The following EMC1 variants were observed in gnomAD, a reference collection of about 807,000 sequenced individuals.
EMC1 encodes the protein KIAA0090.
In EMC1, 103 loss-of-function variants were observed where a neutral mutation model predicts 128.8. The observed-to-expected ratio is 0.80, with a 90% CI of 0.68 to 0.94. The LOEUF is 0.94. EMC1 is among the 40% of genes least tolerant of loss of function. EMC1 has a pLI of 0.00. For synonymous variants in EMC1, 442 were observed against 490.4 expected, an observed-to-expected ratio of 0.90 and a Z score of 1.30; for missense variants, 1,083 against 1,250.6, an observed-to-expected ratio of 0.87 and a Z score of 2.02.
chr1:19,221,693 C>G (rs1375983204), intron 20 of EMC1: 2 of 151,510 alleles, frequency 1.3e-5, no homozygotes, highest in Non-Finnish European at 2.9e-5. Context: ...CTGAGAGTCC[C>G]AAACATCTTC....
rs1225822842 is a variant in EMC1, at chr1:19,219,207, A to C, written c.*96T>G. 1 of 1,245,300 alleles carries C rather than the reference A, an allele frequency of 8.0e-7. No individual in the cohort carries two copies. The highest frequency in any genetic ancestry group is 1.5e-5 in the African/African-American group (1 of 67,838). The allele number at this position is 1,245,300 out of a possible 1,614,324, so 77.1% of individuals were successfully genotyped here. A position where few individuals can be genotyped will look rare whatever the true frequency, so the allele number is the denominator to read the frequency against. On this transcript the variant is annotated 3_prime_UTR_variant, in exon 23 of 23. Transcript: ENST00000477853. Reference sequence around the variant, plus strand: ...ACAGTTCTTAGCTGAGCACTGACACACACACATACTCCACCAATCCACCAA... The same window carrying C: ...ACAGTTCTTAGCTGAGCACTGACACCCACACATACTCCACCAATCCACCAA...
intron 17 of EMC1, 145 bp downstream of exon 17, chr1:19,230,698 CA>C: frequency 1.8e-6 from 2 of 1,134,746 alleles, no homozygotes; most frequent in Non-Finnish European, 2.5e-6. Flanking sequence ...CAAATATGAA[CA>C]AATGATTGAC....
intron 4 of EMC1, 90 bp from the exon 5 acceptor site, chr1:19,242,563 T>A: frequency 6.9e-7 from 1 of 1,452,616 alleles, no homozygotes; most frequent in Non-Finnish European, 9.4e-7. Context: ...TGTTGCTTAG[T>A]GGGTAAGAAA....
chr1:19,243,961 A>G lies in EMC1; in HGVS notation c.275T>C (p.Leu92Pro). 6.2e-7 allele frequency: 1 copy of G among 1,614,138 alleles called. No homozygotes were observed. Among genetic ancestry groups the G allele is most frequent in the Non-Finnish European group, 8.5e-7 (1 of 1,179,998 alleles). ...TAEGAVDAMLLHGQDVITVSN... is the reference protein window; with the variant it reads ...TAEGAVDAMLPHGQDVITVSN... ...AGGACTCTGCTTACCCTGTCCGTGCAGCAGCATGGCATCCACAGCCCCTTC... is the reference window on the plus strand; with the variant it reads ...AGGACTCTGCTTACCCTGTCCGTGCGGCAGCATGGCATCCACAGCCCCTTC... Residue 92 changes from leucine to proline, a missense_variant, in exon 3 of 23, where the codon CTG (leucine) becomes CCG (proline). This residue lies in a region of EMC1 where 544 missense variants were observed against 572.4 expected (regional missense o/e 0.95). Coordinates refer to ENST00000477853, the MANE Select transcript of EMC1 (RefSeq NM_015047.3).
chr1:19,239,147 G>T, intron 9 of EMC1, 84 bp downstream of exon 9: 1 of 1,317,688 alleles, frequency 7.6e-7, no homozygotes, highest in Non-Finnish European at 1.1e-6. Flanking sequence ...CCAGGTCAAT[G>T]TGCCCAGACT....
In EMC1 at chr1:19,244,910, C is replaced by T. The variant is rs777441228; in HGVS notation, c.216G>A (p.Glu72=). 8.7e-6 allele frequency: 14 copies of T among 1,613,528 alleles called. No homozygotes were observed. The African/African-American group carries it at 1.9e-4, about 22-fold the overall frequency. The stretch of plus-strand genomic sequence containing the variant: ...CACAGTTCTCAGTTCACTCACAGAT[C>T]TCCCCAGTTCGGGAATTTAATGCTG... ...VIAALNSRTG[E]ILWRHVDKGT... The change falls in exon 2 of 23, where the codon GAG becomes GAA. Residue 72 remains glutamate, a synonymous_variant. Transcript: ENST00000477853.
chr1:19,243,549 T>C, intron 4 of EMC1, 65 bp downstream of exon 4: 1 of 1,422,934 alleles, frequency 7.0e-7, no homozygotes, highest in Non-Finnish European at 9.9e-7. Flanking sequence ...AGTTGCTGTC[T>C]ATGCAGATCT....
intron 21 of EMC1, 41 bp downstream of exon 21, chr1:19,220,723 T>C: frequency 1.4e-6 from 2 of 1,478,144 alleles, no homozygotes; most frequent in Non-Finnish European, 1.9e-6. Context: ...GGTTAAGTTA[T>C]GTAAGGTCAG....
intron 1 of EMC1, among the ~76,000 whole-genome samples, chr1:19,249,325 G>A (rs2093646426): frequency 6.6e-6 from 1 of 152,116 alleles, no homozygotes; most frequent in African/African-American, 2.4e-5. Flanking sequence ...TTCATGTTAA[G>A]TGCCCTATAC....
intron 12 of EMC1, 90 bp downstream of exon 12, chr1:19,237,052 G>A: frequency 4.7e-6 from 4 of 856,100 alleles, no homozygotes; most frequent in Non-Finnish European, 7.8e-6. Flanking sequence ...ATCTCTTCCA[G>A]AAACCTGCAG....
At chr1:19,250,722 G>A (rs1372394439) in intron 1 of EMC1, among the ~76,000 whole-genome samples, 2 of 152,216 alleles carry the variant, frequency 1.3e-5, no homozygotes, top group Non-Finnish European at 2.9e-5. Context: ...AGTACTGTAA[G>A]AGATAACGGA....
intron 6 of EMC1, 85 bp from the exon 7 acceptor site, chr1:19,240,531 T>TC: frequency 6.8e-7 from 1 of 1,477,660 alleles, no homozygotes; most frequent in Admixed American, 1.7e-5. Context: ...GCTGCCAGCA[T>TC]CCCACTGGGG....
intron 2 of EMC1, 73 bp downstream of exon 2, chr1:19,244,833 G>A: frequency 6.4e-7 from 1 of 1,567,754 alleles, no homozygotes; most frequent in Non-Finnish European, 8.8e-7. Context: ...TCAGGAATCA[G>A]CCAGGCAGAG....
At chr1:19,223,118 T>C in intron 19 of EMC1, 1 of 559,666 alleles carries the variant, frequency 1.8e-6, no homozygotes, top group Non-Finnish European at 3.2e-6. Context: ...TGTTCTTTGC[T>C]AGACTGAAGG....
rs1451724888 is a variant in EMC1, at chr1:19,219,254, C to G, written c.*49G>C. 1.8e-5 allele frequency: 29 copies of G among 1,595,726 alleles called. No homozygotes were observed. Among genetic ancestry groups the G allele is most frequent in the Non-Finnish European group, 2.5e-5 (29 of 1,165,378 alleles). On this transcript the variant is annotated 3_prime_UTR_variant, in exon 23 of 23. Coordinates refer to ENST00000477853, the MANE Select transcript of EMC1 (RefSeq NM_015047.3). The stretch of plus-strand genomic sequence containing the variant: ...CCAAACTGCAGCTGTAGCTGCTTAT[C>G]TGACCCACACTCCCCTGGCTCTCCA...
chr1:19,249,330 C>T (rs2093646483), intron 1 of EMC1, among the ~76,000 whole-genome samples: 1 of 152,142 alleles, frequency 6.6e-6, no homozygotes, highest in Admixed American at 6.5e-5. Context: ...GTTAAGTGCC[C>T]TATACCAGTG....
intron 5 of EMC1, 38 bp downstream of exon 5, chr1:19,242,307 G>C (rs1430760180): frequency 6.2e-7 from 1 of 1,612,980 alleles, no homozygotes; most frequent in Admixed American, 1.7e-5. Context: ...CTAGAGAGTA[G>C]AACGAGGCAG....
At chr1:19,247,598 A>G (rs1273449019) in intron 1 of EMC1, among the ~76,000 whole-genome samples, 1 of 152,252 alleles carries the variant, frequency 6.6e-6, no homozygotes, top group Non-Finnish European at 1.5e-5. Flanking sequence ...TCAATAATGT[A>G]TACTACATAA....
At chr1:19,243,145 G>C (rs1227882855) in intron 4 of EMC1, among the ~76,000 whole-genome samples, 1 of 152,162 alleles carries the variant, frequency 6.6e-6, no homozygotes, top group Non-Finnish European at 1.5e-5. Context: ...TGAGGCACGA[G>C]AACTGCTTGA....
Sources: allele counts gnomAD v4.1 joint callset (sites outside exome capture counted in the v4.1 genomes callset), GRCh38; gene constraint gnomAD v4.1.1; regional missense constraint gnomAD v4.1.1; transcripts MANE v1.5; gene names NCBI Gene and HGNC (gene_info 2026-07-23, HGNC 2026-07-21).